ZDHHC15: variants seen among roughly 807,000 people sequenced by gnomAD.
ZDHHC15 encodes the protein palmitoyltransferase ZDHHC15.
Under a neutral mutation model 31.7 loss-of-function variants are expected in ZDHHC15, and 19 were observed. The ratio of observed to expected loss-of-function variants is 0.60; its 90% CI spans 0.42 to 0.88. The LOEUF is 0.88. Among genes scored for constraint, ZDHHC15 ranks in the 40% least tolerant of loss-of-function variants. ZDHHC15 has a pLI of 0.00. For missense variants in ZDHHC15, 209 were observed against 251.2 expected (o/e 0.83, Z 1.14); for synonymous variants, 103 against 90.0 (o/e 1.14, Z -0.82).
At chrX:75,398,756 C>A (rs1186359904) in intron 10 of ZDHHC15, among the ~76,000 whole-genome samples, 1 of 111,019 alleles carries the variant, frequency 9.0e-6, no homozygotes, top group African/African-American at 3.3e-5. Context: ...GGTGGGCTGC[C>A]ATCATTGCTC....
At chrX:75,479,654 C>T (rs2147980599) in intron 2 of ZDHHC15, among the ~76,000 whole-genome samples, 1 of 111,044 alleles carries the variant, frequency 9.0e-6, no homozygotes, top group Admixed American at 9.6e-5. Context: ...TATCATCCAC[C>T]CCTCTCCTAC....
intron 4 of ZDHHC15, among the ~76,000 whole-genome samples, chrX:75,433,913 T>C (rs922234740): frequency 1.7e-4 from 19 of 111,094 alleles, no homozygotes; most frequent in African/African-American, 6.2e-4. Context: ...TTAAGGAATC[T>C]CCATACTGTT....
chrX:75,410,054 A>G (rs2083467950), intron 10 of ZDHHC15, among the ~76,000 whole-genome samples: 1 of 111,144 alleles, frequency 9.0e-6, no homozygotes, highest in Non-Finnish European at 1.9e-5. Context: ...ATGAAACTAG[A>G]CCCATATCTC....
chrX:75,454,548 C>G (rs893503350), intron 3 of ZDHHC15, among the ~76,000 whole-genome samples: 1 of 111,472 alleles, frequency 9.0e-6, no homozygotes, highest in African/African-American at 3.3e-5. Flanking sequence ...ACAGTCCCAC[C>G]AACAGTGTAA....
At chrX:75,486,411 A>T (rs965316231) in intron 2 of ZDHHC15, among the ~76,000 whole-genome samples, 1 of 112,289 alleles carries the variant, frequency 8.9e-6, no homozygotes, top group Non-Finnish European at 1.9e-5. Context: ...TTCTAGCTGA[A>T]CTCTGTAATA....
chrX:75,407,470 C>T (rs1357630686), intron 10 of ZDHHC15, among the ~76,000 whole-genome samples: 27 of 109,636 alleles, frequency 2.5e-4, no homozygotes, highest in African/African-American at 7.6e-4. Flanking sequence ...GTCAGCCACC[C>T]CGCCTGGCCA....
At chrX:75,429,307 G>T (rs1235290066) in intron 6 of ZDHHC15, 109 bp from the exon 7 acceptor site, 24 of 964,051 alleles carry the variant, frequency 2.5e-5, no homozygotes, top group Non-Finnish European at 2.9e-5. Flanking sequence ...GCTTCATTAT[G>T]TGTCGTGTAA....
At chrX:75,449,127 G>T (rs1188625628) in intron 4 of ZDHHC15, among the ~76,000 whole-genome samples, 2 of 107,818 alleles carry the variant, frequency 1.9e-5, no homozygotes, top group Non-Finnish European at 3.8e-5. Flanking sequence ...TCTCCAGCTT[G>T]CAGATGGCAG....
intron 10 of ZDHHC15, among the ~76,000 whole-genome samples, chrX:75,394,953 A>T (rs1426619238): frequency 1.8e-5 from 2 of 112,447 alleles, no homozygotes; most frequent in Non-Finnish European, 3.8e-5. Context: ...TCTGAAGAAC[A>T]GACCATATGT....
intron 10 of ZDHHC15, among the ~76,000 whole-genome samples, chrX:75,379,588 G>A (rs1458235705): frequency 2.7e-5 from 3 of 111,755 alleles, no homozygotes; most frequent in Non-Finnish European, 5.6e-5. Flanking sequence ...TTAGGTGATG[G>A]TGTGTTTCTA....
chrX:75,440,689 C>T (rs932348972), intron 4 of ZDHHC15, among the ~76,000 whole-genome samples: 2 of 111,797 alleles, frequency 1.8e-5, no homozygotes, highest in Admixed American at 1.9e-4. Context: ...TCAATCTTTC[C>T]CTAGGGTCAC....
chrX:75,477,161 C>T (rs1182479047), intron 3 of ZDHHC15, among the ~76,000 whole-genome samples: 1 of 111,584 alleles, frequency 9.0e-6, no homozygotes, highest in Non-Finnish European at 1.9e-5. Context: ...TTAATTTCCA[C>T]ATATTTATGA....
intron 3 of ZDHHC15, among the ~76,000 whole-genome samples, chrX:75,478,301 C>T (rs1360927772): frequency 1.8e-5 from 2 of 111,641 alleles, no homozygotes; most frequent in African/African-American, 6.5e-5. Context: ...ATAGTAGTTT[C>T]ATAGAATTGA....
intron 2 of ZDHHC15, chrX:75,501,346 A>G (rs1375482053): frequency 1.8e-5 from 2 of 111,756 alleles, no homozygotes; most frequent in South Asian, 3.8e-4. Context: ...GCTTTATCCA[A>G]TCTGTCATTG....
intron 2 of ZDHHC15, among the ~76,000 whole-genome samples, chrX:75,488,480 T>C (rs1439990403): frequency 2.7e-5 from 3 of 112,484 alleles, no homozygotes; most frequent in Non-Finnish European, 5.6e-5. Flanking sequence ...TGAGAGAATT[T>C]GCCATTACCA....
At chrX:75,520,840 G>T (rs2085431833) in intron 1 of ZDHHC15, among the ~76,000 whole-genome samples, 1 of 110,732 alleles carries the variant, frequency 9.0e-6, no homozygotes, top group Non-Finnish European at 1.9e-5. Flanking sequence ...ATATCTCTAA[G>T]GAAGAGGTAA....
intron 3 of ZDHHC15, among the ~76,000 whole-genome samples, chrX:75,468,666 C>G (rs1377948743): frequency 1.8e-5 from 2 of 111,489 alleles, no homozygotes; most frequent in African/African-American, 6.5e-5. Context: ...TCAGTCATAC[C>G]ATTTTACATT....
intron 3 of ZDHHC15, among the ~76,000 whole-genome samples, chrX:75,462,441 G>T (rs954136165): frequency 8.9e-6 from 1 of 112,294 alleles, no homozygotes; most frequent in African/African-American, 3.2e-5. Context: ...GATATCTACA[G>T]AACTCTTCAG....
intron 3 of ZDHHC15, among the ~76,000 whole-genome samples, chrX:75,453,203 G>C (rs1392458189): frequency 9.0e-6 from 1 of 110,830 alleles, no homozygotes; most frequent in Non-Finnish European, 1.9e-5. Flanking sequence ...AATGATAAAG[G>C]GGATATCACC....
Sources: gnomAD v4.1 joint callset for allele counts (sites outside exome capture counted in the v4.1 genomes callset) on GRCh38, gnomAD v4.1.1 for gene constraint, MANE v1.5 for transcripts, NCBI Gene and HGNC (gene_info 2026-07-23, HGNC 2026-07-21) for gene names.